Variants in ITGBL1 observed in about 807,000 individuals in gnomAD.
The protein encoded by ITGBL1 is integrin subunit beta like 1, also known as integrin beta-like protein 1.
Under a neutral mutation model 68.5 loss-of-function variants are expected in ITGBL1, and 51 were observed. The ratio of observed to expected loss-of-function variants is 0.74; its 90% confidence interval spans 0.59 to 0.94. ITGBL1 has a LOEUF of 0.94. Ranked by LOEUF, ITGBL1 falls within the 40% of genes least tolerant of loss-of-function variation. The pLI, the probability that ITGBL1 is intolerant of heterozygous loss-of-function variation, is 0.00. For synonymous variants in ITGBL1, 209 were observed against 227.3 expected, an observed-to-expected ratio of 0.92 and a Z score of 0.72; for missense variants, 649 against 647.4, an observed-to-expected ratio of 1.00 and a Z score of -0.03.
intron 7 of ITGBL1, among the ~76,000 whole-genome samples, chr13:101,606,770 T>C (rs1317239342): frequency 1.3e-5 from 2 of 151,968 alleles, no homozygotes; most frequent in African/African-American, 4.8e-5. Context: ...GAAACCTCTA[T>C]TAATCCACCA....
Position 101,622,337 on chromosome 13 carries a change from C to G in ITGBL1, c.1015+24038C>G, listed in dbSNP as rs202031276. 3.9e-5 allele frequency among the ~76,000 whole-genome samples: 6 copies of G among 152,058 alleles called. No individual in the cohort carries two copies. In the East Asian group the frequency reaches 1.2e-3, roughly 29 times the overall value. On this transcript the variant is annotated intron_variant, in intron 7 of 10. Transcript: ENST00000376180. ...CTAGTAATAACACCAGCGTCTCTGT[C>G]TATATAAATTTAATCATTCCTATTT...
chr13:101,611,120 C>A (rs2031106749), intron 7 of ITGBL1, among the ~76,000 whole-genome samples: 2 of 152,100 alleles, frequency 1.3e-5, no homozygotes, highest in Admixed American at 6.5e-5. Context: ...CACCTAACTT[C>A]TTCTTGTGTG....
At chr13:101,611,235 AGTTAAC>A (rs2031111593) in intron 7 of ITGBL1, among the ~76,000 whole-genome samples, 1 of 152,182 alleles carries the variant, frequency 6.6e-6, no homozygotes, top group African/African-American at 2.4e-5. Flanking sequence ...AGAAATGCCA[AGTTAAC>A]GTTGCTTCAT....
rs181875785 is a variant in ITGBL1, at chr13:101,465,174, A to T, written c.316+11074A>T. 3.0e-4 allele frequency among the ~76,000 whole-genome samples: 45 copies of T among 152,358 alleles called. No individual in the cohort carries two copies. In the South Asian group the frequency reaches 8.9e-3, roughly 30 times the overall value. On this transcript the variant is annotated intron_variant, in intron 2 of 10. Transcript: ENST00000376180. ...TACTAAAACTGTGCAAAGATAGAAA[A>T]GAGAAAACAGCTTCTTTTCTTTTTT...
chr13:101,500,171 T>C (rs1469819492), intron 2 of ITGBL1, among the ~76,000 whole-genome samples: 1 of 152,252 alleles, frequency 6.6e-6, no homozygotes, highest in East Asian at 1.9e-4. Flanking sequence ...AGGATCATTT[T>C]TGATCATTGC....
At chr13:101,497,141 G>A (rs896866952) in intron 2 of ITGBL1, among the ~76,000 whole-genome samples, 2 of 152,230 alleles carry the variant, frequency 1.3e-5, no homozygotes, top group Non-Finnish European at 2.9e-5. Context: ...AGCTAGAATT[G>A]TGGCCCTTTA....
At chr13:101,510,742 T>C (rs2049102434) in intron 2 of ITGBL1, among the ~76,000 whole-genome samples, 1 of 152,112 alleles carries the variant, frequency 6.6e-6, no homozygotes, top group Middle Eastern at 3.2e-3. Context: ...ATTTTGATGA[T>C]GATTAGTGAT....
At chr13:101,527,243 T>C (rs2049396520) in intron 2 of ITGBL1, among the ~76,000 whole-genome samples, 1 of 152,172 alleles carries the variant, frequency 6.6e-6, no homozygotes, top group African/African-American at 2.4e-5. Context: ...CTCATGTCCC[T>C]TGACTATTCA....
rs777091940 is a variant in ITGBL1 at position 101,715,620 on chromosome 13, C to A, written c.1451C>A (p.Ala484Glu). The A allele has an allele frequency of 6.2e-7, 1 of 1,613,040 alleles. No individual in the cohort carries two copies. Among genetic ancestry groups the A allele is most frequent in the Non-Finnish European group, 8.5e-7 (1 of 1,179,216 alleles). The change falls in exon 11 of 11, where the codon GCA becomes GAA. Residue 484 changes from alanine (A) to glutamate (E), a missense_variant. By Grantham distance (107) the Ala-to-Glu change is moderately radical (BLOSUM62 -1). Transcript: ENST00000376180. The part of the protein sequence containing the change: ...CECWDGWNGN[A>E]CEIWLGSEYP ...TGCTGGGATGGATGGAATGGAAATGCATGTGAAATCTGGCTTGGCTCAGAA... is the reference window on the plus strand; with the variant it reads ...TGCTGGGATGGATGGAATGGAAATGAATGTGAAATCTGGCTTGGCTCAGAA...
chr13:101,691,004 G>T (rs2033872222), intron 7 of ITGBL1, among the ~76,000 whole-genome samples: 1 of 152,198 alleles, frequency 6.6e-6, no homozygotes, highest in African/African-American at 2.4e-5. Flanking sequence ...CCAAGAACCA[G>T]TTCCTGCTGC....
chr13:101,556,364 C>G (rs867780172), intron 2 of ITGBL1, among the ~76,000 whole-genome samples: 1 of 152,146 alleles, frequency 6.6e-6, no homozygotes, highest in African/African-American at 2.4e-5. Flanking sequence ...AAGCTGGGCA[C>G]GGTGGCTCAT....
intron 2 of ITGBL1, among the ~76,000 whole-genome samples, chr13:101,509,794 A>C (rs2049086237): frequency 6.6e-6 from 1 of 152,114 alleles, no homozygotes; most frequent in Admixed American, 6.6e-5. Context: ...AAAGTCCTTT[A>C]GTCTAATCTC....
chr13:101,714,142 C>A (rs763286217), intron 9 of ITGBL1: 8 of 278,884 alleles, frequency 2.9e-5, no homozygotes, highest in Admixed American at 5.1e-5. Context: ...TTTTGGAAGA[C>A]CATCTATAAG....
intron 7 of ITGBL1, among the ~76,000 whole-genome samples, chr13:101,601,810 A>G (rs1247615412): frequency 1.3e-5 from 2 of 152,100 alleles, no homozygotes; most frequent in African/African-American, 4.8e-5. Flanking sequence ...ACAGTTTGAT[A>G]TAATTTCTGT....
At chr13:101,518,537 T>C (rs144429898) in intron 2 of ITGBL1, among the ~76,000 whole-genome samples, 7 of 152,292 alleles carry the variant, frequency 4.6e-5, no homozygotes, top group African/African-American at 1.7e-4. Context: ...TTCTTAATTA[T>C]TGATTTGGAT....
intron 7 of ITGBL1, among the ~76,000 whole-genome samples, chr13:101,617,402 C>G (rs895482532): frequency 1.1e-4 from 17 of 151,990 alleles, no homozygotes; most frequent in African/African-American, 4.1e-4. Context: ...TCTCAGAAGA[C>G]AGTGATCTTT....
chr13:101,608,220 C>G (rs1183448076), intron 7 of ITGBL1, among the ~76,000 whole-genome samples: 1 of 151,992 alleles, frequency 6.6e-6, no homozygotes, highest in Non-Finnish European at 1.5e-5. Flanking sequence ...TACCTAGGAA[C>G]ATACTTTCAA....
intron 4 of ITGBL1, 119 bp from the exon 5 acceptor site, chr13:101,579,168 G>C: frequency 9.7e-7 from 1 of 1,030,476 alleles, no homozygotes; most frequent in Non-Finnish European, 1.5e-6. Flanking sequence ...TTTTAGGCAA[G>C]GAATGTGGAG....
intron 2 of ITGBL1, among the ~76,000 whole-genome samples, chr13:101,505,073 C>A (rs1338269916): frequency 1.3e-5 from 2 of 151,984 alleles, no homozygotes; most frequent in Non-Finnish European, 2.9e-5. Flanking sequence ...TCTCAAGCCT[C>A]CCTACTTATT....
Sources: allele counts gnomAD v4.1 joint callset (sites outside exome capture counted in the v4.1 genomes callset), GRCh38; gene constraint gnomAD v4.1.1; transcripts MANE v1.5; gene names NCBI Gene and HGNC (gene_info 2026-07-23, HGNC 2026-07-21).